The following ZNF680 variants were observed in gnomAD, a reference collection of about 807,000 sequenced individuals.
The protein encoded by ZNF680 is zinc finger protein 680.
A neutral mutation model predicts 12.1 loss-of-function variants in ZNF680; 6 were observed. The observed-to-expected ratio is 0.49, with a 90% CI of 0.27 to 0.98. The LOEUF is 0.98. Among genes scored for constraint, ZNF680 ranks in the 50% least tolerant of loss-of-function variants. The pLI, the probability that ZNF680 is intolerant of heterozygous loss-of-function variation, is 0.12. For missense variants in ZNF680, 561 were observed against 616.3 expected, an observed-to-expected ratio of 0.91 and a Z score of 0.95; for synonymous variants, 170 against 199.3, an observed-to-expected ratio of 0.85 and a Z score of 1.24.
chr7:64,552,325 T>C (rs1787125176), intron 1 of ZNF680, among the ~76,000 whole-genome samples: 1 of 152,300 alleles, frequency 6.6e-6, no homozygotes, highest in Admixed American at 6.5e-5. Context: ...AGTGCTGTGA[T>C]TACAGGCGTG....
At chr7:64,511,628 C>T in the ZNF680 span, among the ~76,000 whole-genome samples, 1 of 79,320 alleles carries the variant, frequency 1.3e-5, no homozygotes, top group Non-Finnish European at 2.3e-5. Context: ...CAAACCCAGA[C>T]ACTTTCTTTA....
intron 3 of ZNF680, among the ~76,000 whole-genome samples, chr7:64,530,457 G>C (rs1026491235): frequency 2.0e-5 from 3 of 152,098 alleles, no homozygotes; most frequent in African/African-American, 7.2e-5. Context: ...TTAAAGTAAA[G>C]GGGTGGAAAA....
chr7:64,501,696 C>A, the ZNF680 span: 2 of 1,052,890 alleles, frequency 1.9e-6, no homozygotes, highest in Non-Finnish European at 1.5e-6. Flanking sequence ...GAGAGGATGA[C>A]AGAGACAGCG....
chr7:64,539,366 A>G (rs1030553869), intron 3 of ZNF680, among the ~76,000 whole-genome samples: 5 of 143,474 alleles, frequency 3.5e-5, no homozygotes, highest in Admixed American at 7.0e-5. Context: ...AAAAAAAAAA[A>G]AAAAAAAAAG....
chr7:64,507,812 A>T, the ZNF680 span, among the ~76,000 whole-genome samples: 1 of 148,450 alleles, frequency 6.7e-6, no homozygotes, highest in Non-Finnish European at 1.5e-5. Flanking sequence ...TTTTCATCTT[A>T]AAATTCCAGG....
intron 3 of ZNF680, among the ~76,000 whole-genome samples, chr7:64,538,433 ACAACT>A (rs1786297320): frequency 6.6e-6 from 1 of 151,816 alleles, no homozygotes; most frequent in South Asian, 2.1e-4. Flanking sequence ...AAGTTGAATA[ACAACT>A]TAGAAGTGGA....
downstream of ZNF680, among the ~76,000 whole-genome samples, chr7:64,517,532 G>A (rs1033421478): frequency 3.9e-5 from 6 of 151,948 alleles, no homozygotes; most frequent in African/African-American, 1.4e-4. Context: ...AGGAAAATTG[G>A]TACCAATCCT....
chr7:64,516,707 C>T (rs957454960), downstream of ZNF680, among the ~76,000 whole-genome samples: 4 of 152,092 alleles, frequency 2.6e-5, no homozygotes, highest in East Asian at 7.7e-4. Context: ...CAAGACAGAA[C>T]ATATGATAGG....
At chr7:64,556,361 G>C (rs1787417553) in intron 1 of ZNF680, among the ~76,000 whole-genome samples, 1 of 150,480 alleles carries the variant, frequency 6.6e-6, no homozygotes, top group South Asian at 2.1e-4. Context: ...GAACAAAGCA[G>C]GTGGCATTAC....
chr7:64,543,662 C>A, intron 3 of ZNF680, 45 bp downstream of exon 3: 1 of 1,497,456 alleles, frequency 6.7e-7, no homozygotes, highest in Non-Finnish European at 9.2e-7. Flanking sequence ...ACATCTGGAC[C>A]TCTCATCTGT....
intron 3 of ZNF680, among the ~76,000 whole-genome samples, chr7:64,539,373 A>AAAAAAAAAAAAAAAAAAAAAC (rs1786371698): frequency 3.5e-5 from 2 of 57,044 alleles, no homozygotes; most frequent in Non-Finnish European, 6.7e-5. Context: ...AAAAAAAAAA[A>AAAAAAAAAAAAAAAAAAAAAC]AAGAAAAGAA....
At chr7:64,507,781 G>T in the ZNF680 span, among the ~76,000 whole-genome samples, 2 of 149,002 alleles carry the variant, frequency 1.3e-5, no homozygotes, top group African/African-American at 5.0e-5. Context: ...TTTAAGAATT[G>T]GGCCAGAGAA....
intron 1 of ZNF680, among the ~76,000 whole-genome samples, chr7:64,550,558 AG>A (rs1378686126): frequency 6.6e-6 from 1 of 152,232 alleles, no homozygotes; most frequent in Non-Finnish European, 1.5e-5. Flanking sequence ...GGAAAGAGAA[AG>A]CAGAGATTCT....
At chr7:64,537,702 C>G (rs983253605) in intron 3 of ZNF680, among the ~76,000 whole-genome samples, 3 of 152,084 alleles carry the variant, frequency 2.0e-5, no homozygotes, top group African/African-American at 7.2e-5. Context: ...CCAAGGCGGG[C>G]AGATCACAAG....
intron 3 of ZNF680, chr7:64,525,266 A>G (rs1283423746): frequency 1.3e-5 from 2 of 152,208 alleles, no homozygotes; most frequent in Non-Finnish European, 2.9e-5. Context: ...GGTCATTTGC[A>G]TACCTGTAAT....
chr7:64,557,419 T>G (rs1459943154), intron 1 of ZNF680, among the ~76,000 whole-genome samples: 5 of 136,850 alleles, frequency 3.7e-5, no homozygotes, highest in Non-Finnish European at 4.7e-5. Context: ...GCCACGTGTG[T>G]TGGCACGCAC....
chr7:64,510,482 T>C, the ZNF680 span, among the ~76,000 whole-genome samples: 4 of 152,070 alleles, frequency 2.6e-5, no homozygotes, highest in Non-Finnish European at 5.9e-5. Context: ...AAACAGGCTG[T>C]TTCCAAAAAT....
chr7:64,555,179 C>T (rs932004395), intron 1 of ZNF680, among the ~76,000 whole-genome samples: 1 of 152,024 alleles, frequency 6.6e-6, no homozygotes, highest in Admixed American at 6.6e-5. Context: ...AACAGTCCTA[C>T]AAAACTCTTA....
At chr7:64,532,371 T>G (rs554290000) in intron 3 of ZNF680, among the ~76,000 whole-genome samples, 1 of 151,804 alleles carries the variant, frequency 6.6e-6, no homozygotes, top group South Asian at 2.1e-4. Context: ...TGGGAGATAT[T>G]ACAACTGATA....
Sources: allele counts gnomAD v4.1 joint callset (sites outside exome capture counted in the v4.1 genomes callset), GRCh38; gene constraint gnomAD v4.1.1; transcripts MANE v1.5; gene names NCBI Gene and HGNC (gene_info 2026-07-23, HGNC 2026-07-21).